ARHGAP8: variants seen among roughly 807,000 people sequenced by gnomAD.
ARHGAP8 encodes rho GTPase-activating protein 8.
Under a neutral mutation model 46.1 loss-of-function variants are expected in ARHGAP8, and 62 were observed. The ratio of observed to expected loss-of-function variants is 1.34; its 90% CI spans 1.10 to 1.66. The LOEUF is 1.66. ARHGAP8 is among the 40% of genes most tolerant of loss of function. The pLI is 0.00. For missense variants in ARHGAP8, 923 were observed against 568.4 expected, an observed-to-expected ratio of 1.62 and a Z score of -6.34; for synonymous variants, 375 against 243.1, an observed-to-expected ratio of 1.54 and a Z score of -5.05.
chr22:44,857,320 C>T (rs1160104778), intron 10 of ARHGAP8, among the ~76,000 whole-genome samples: 1 of 152,156 alleles, frequency 6.6e-6, no homozygotes, highest in East Asian at 1.9e-4. Flanking sequence ...GTGAGGTGTT[C>T]CAGCCAAGGG....
intron 4 of ARHGAP8, chr22:44,809,732 C>T (rs761877109): frequency 1.9e-5 from 3 of 154,768 alleles, no homozygotes; most frequent in Non-Finnish European, 2.9e-5. Flanking sequence ...TCGTAGACTG[C>T]GGCGATGGGC....
At chr22:44,809,811 A>G (rs1321689078) in intron 4 of ARHGAP8, 2 of 152,588 alleles carry the variant, frequency 1.3e-5, no homozygotes, top group Non-Finnish European at 2.9e-5. Context: ...TGTAACAGAA[A>G]TCTGCTTCAC....
chr22:44,779,627 T>A (rs1461108568), intron 1 of ARHGAP8, among the ~76,000 whole-genome samples: 2 of 142,740 alleles, frequency 1.4e-5, no homozygotes, highest in African/African-American at 5.2e-5. Flanking sequence ...AGTGGGGTGA[T>A]CTCGGCTCAC....
At chr22:44,816,256 TCAGA>T (rs2147106019) in intron 5 of ARHGAP8, among the ~76,000 whole-genome samples, 1 of 152,234 alleles carries the variant, frequency 6.6e-6, no homozygotes, top group African/African-American at 2.4e-5. Flanking sequence ...CAGGGAGCAC[TCAGA>T]CAGAGCTGGA....
In ARHGAP8 at chr22:44,806,049, A is replaced by G. The variant is rs534757675; in HGVS notation, c.168-2258A>G. On this transcript the variant is annotated intron_variant, in intron 3 of 11. Transcript: ENST00000356099. ...CCTGCTTTTACAAGGAGGCGCCCAG[A>G]GTGGGAAGAGGAGCTGTGCAAAGAC... Among the ~76,000 whole-genome samples, 3 of 152,314 alleles carry G rather than the reference A, an allele frequency of 2.0e-5. No individual in the cohort carries two copies. The South Asian group carries it at 6.2e-4, about 32-fold the overall frequency.
intron 7 of ARHGAP8, among the ~76,000 whole-genome samples, chr22:44,836,597 G>C (rs1376782468): frequency 6.6e-6 from 1 of 150,990 alleles, no homozygotes; most frequent in Non-Finnish European, 1.5e-5. Flanking sequence ...CACTGTGATC[G>C]TTCACATGCA....
intron 11 of ARHGAP8, among the ~76,000 whole-genome samples, chr22:44,860,520 T>A (rs115916783): frequency 7.4e-6 from 1 of 134,554 alleles, no homozygotes; most frequent in African/African-American, 2.8e-5. Context: ...CCCACCCAGA[T>A]GACGCGGGAT....
intron 7 of ARHGAP8, among the ~76,000 whole-genome samples, chr22:44,827,349 T>G (rs1309876106): frequency 7.9e-6 from 1 of 126,666 alleles, no homozygotes; most frequent in Non-Finnish European, 1.7e-5. Context: ...TTTTTTTTTT[T>G]TTTTTTTTTT....
At chr22:44,859,370 GCTC>G (rs1247612422) in intron 10 of ARHGAP8, among the ~76,000 whole-genome samples, 2 of 152,064 alleles carry the variant, frequency 1.3e-5, no homozygotes, top group African/African-American at 4.8e-5. Flanking sequence ...ACTCTCTCTT[GCTC>G]CTGTTTTTGC....
chr22:44,795,713 C>T (rs1045016382), intron 2 of ARHGAP8, among the ~76,000 whole-genome samples: 1 of 152,148 alleles, frequency 6.6e-6, no homozygotes, highest in South Asian at 2.1e-4. Flanking sequence ...TGCCAAAGAC[C>T]TGCGGTGGCC....
At chr22:44,830,639 C>T (rs8137177) in intron 7 of ARHGAP8, among the ~76,000 whole-genome samples, 18,825 of 152,088 alleles carry the variant, frequency 0.12, 1,476 homozygotes, top group East Asian at 0.28. Flanking sequence ...TGGGTTCAAG[C>T]GATTCTCCTG....
At chr22:44,818,934 A>G (rs149174169) in intron 5 of ARHGAP8, among the ~76,000 whole-genome samples, 2,709 of 152,196 alleles carry the variant, frequency 0.018, 94 homozygotes, top group African/African-American at 0.062. Context: ...CCTGGCCTCA[A>G]GTGATCCTCC....
chr22:44,836,029 C>G (rs1171546538), intron 7 of ARHGAP8, among the ~76,000 whole-genome samples: 3 of 152,112 alleles, frequency 2.0e-5, no homozygotes, highest in Non-Finnish European at 4.4e-5. Flanking sequence ...TTGCCAGAAC[C>G]TCTACCCCAT....
At chr22:44,826,010 C>T (rs973867505) in intron 7 of ARHGAP8, among the ~76,000 whole-genome samples, 1 of 151,966 alleles carries the variant, frequency 6.6e-6, no homozygotes, top group Non-Finnish European at 1.5e-5. Context: ...CTGGGGTTCC[C>T]GCCCCAGCTT....
In ARHGAP8 at chr22:44,848,985, C is replaced by T; in HGVS notation, c.802C>T (p.Leu268=). Residue 268 remains leucine, a synonymous_variant, in exon 10 of 12, where the codon CTG becomes TTG. Coordinates refer to ENST00000356099, the MANE Select transcript of ARHGAP8 (RefSeq NM_181335.3). ...YGDIHIPAVI[L]KTFLRELPQP... is the part of the protein sequence containing the mutation. ...GGACATTCACATCCCTGCCGTGATC[C>T]TGAAGACCTTCCTGCGAGAGCTGCC... is the stretch of plus-strand genomic sequence containing the variant. The T allele has an allele frequency of 6.2e-7, 1 of 1,614,142 alleles. No homozygotes were observed. The highest frequency in any genetic ancestry group is 8.5e-7 in the Non-Finnish European group (1 of 1,180,032).
chr22:44,777,118 T>A (rs1322300109), intron 1 of ARHGAP8: 2 of 152,142 alleles, frequency 1.3e-5, no homozygotes, highest in Non-Finnish European at 2.9e-5. Flanking sequence ...GTTCCTCAAG[T>A]CTGAATCATT....
chr22:44,786,469 A>T lies in ARHGAP8; in HGVS notation c.-59A>T, dbSNP rs969146837. The stretch of plus-strand genomic sequence containing the variant: ...TTCTTTGCCGCAGAGCTGCAGAGAG[A>T]CAAGGCGGCGGCGGCTGCTGTGCTG... On this transcript the variant is annotated 5_prime_UTR_variant, in exon 2 of 12. Coordinates refer to ENST00000356099, the MANE Select transcript of ARHGAP8 (RefSeq NM_181335.3). 3 of 1,604,730 alleles carry T rather than the reference A, an allele frequency of 1.9e-6. No homozygotes were observed. The highest frequency in any genetic ancestry group is 2.6e-6 in the Non-Finnish European group (3 of 1,175,852).
chr22:44,856,772 C>G (rs1023011705), intron 10 of ARHGAP8, among the ~76,000 whole-genome samples: 2 of 143,532 alleles, frequency 1.4e-5, no homozygotes, highest in Non-Finnish European at 3.0e-5. Context: ...GGCTGAAGAT[C>G]ACCGAGGACT....
At chr22:44,818,871 CA>C (rs949675468) in intron 5 of ARHGAP8, among the ~76,000 whole-genome samples, 2 of 151,648 alleles carry the variant, frequency 1.3e-5, no homozygotes, top group African/African-American at 4.8e-5. Flanking sequence ...TAGTTTAAAA[CA>C]ATTTTTTGTT....
Sources: allele counts gnomAD v4.1 joint callset (sites outside exome capture counted in the v4.1 genomes callset), GRCh38; gene constraint gnomAD v4.1.1; transcripts MANE v1.5; gene names NCBI Gene and HGNC (gene_info 2026-07-23, HGNC 2026-07-21).